PCGF3: variants seen among roughly 807,000 people sequenced by gnomAD.
PCGF3 encodes polycomb group ring finger 3.
Under a neutral mutation model 33.1 loss-of-function variants are expected in PCGF3, and 7 were observed. The observed-to-expected ratio is 0.21, with a 90% CI of 0.12 to 0.40. PCGF3 has a LOEUF of 0.40. PCGF3 is among the 10% of genes least tolerant of loss of function. The pLI is 1.00. For synonymous variants in PCGF3, 153 were observed against 121.3 expected, an observed-to-expected ratio of 1.26 and a Z score of -1.72; for missense variants, 211 against 313.3, an observed-to-expected ratio of 0.67 and a Z score of 2.46.
chr4:733,111 C>A (rs1055413309), intron 3 of PCGF3, among the ~76,000 whole-genome samples: 5 of 151,454 alleles, frequency 3.3e-5, no homozygotes, highest in African/African-American at 1.2e-4. Context: ...CCCCGTGCTG[C>A]CTCAGGCTCT....
chr4:731,007 G>A, exon 3 of PCGF3: 1 of 398,620 alleles, frequency 2.5e-6, no homozygotes, highest in Non-Finnish European at 4.4e-6. Flanking sequence ...GGAGGGTGCA[G>A]AAGCGAGTCC....
chr4:717,026 G>GCAGACAC (rs1227663261), intron 1 of PCGF3, among the ~76,000 whole-genome samples: 15 of 145,612 alleles, frequency 1.0e-4, no homozygotes, highest in Non-Finnish European at 1.5e-4. Context: ...CTGGGACCCT[G>GCAGACAC]TAGACACTGA....
chr4:765,211 A>G (rs2152628552), intron 10 of PCGF3, 147 bp downstream of exon 10: 1 of 593,450 alleles, frequency 1.7e-6, no homozygotes. Context: ...AGGCGGGCGG[A>G]TCACGAGGTC....
At chr4:765,482 C>G (rs1025908335) in intron 10 of PCGF3, among the ~76,000 whole-genome samples, 1 of 151,678 alleles carries the variant, frequency 6.6e-6, no homozygotes, top group Non-Finnish European at 1.5e-5. Flanking sequence ...TTGTGAAACA[C>G]AGTTCTGGTC....
intron 6 of PCGF3, among the ~76,000 whole-genome samples, chr4:738,747 T>C (rs2152581803): frequency 6.6e-6 from 1 of 151,318 alleles, no homozygotes; most frequent in East Asian, 1.9e-4. Context: ...TAATCCCAGC[T>C]ACTCAGCAGG....
intron 8 of PCGF3, among the ~76,000 whole-genome samples, chr4:752,361 C>T (rs900572234): frequency 5.3e-5 from 8 of 152,204 alleles, no homozygotes; most frequent in South Asian, 4.1e-4. Flanking sequence ...CTGTTTTTTG[C>T]TCTCATCTTT....
At chr4:733,575 C>A in intron 3 of PCGF3, 97 bp from the exon 4 acceptor site, 1 of 1,300,038 alleles carries the variant, frequency 7.7e-7, no homozygotes, top group Non-Finnish European at 1.1e-6. Flanking sequence ...GCCTCAGGGC[C>A]TGCACTGTCC....
At chr4:765,004 G>A in exon 10 of PCGF3, 1 of 1,613,978 alleles carries the variant, frequency 6.2e-7, no homozygotes. Context: ...TATGCAACGA[G>A]GAGATCCTGG....
intron 1 of PCGF3, among the ~76,000 whole-genome samples, chr4:730,357 G>A (rs1414277084): frequency 6.6e-6 from 1 of 152,106 alleles, no homozygotes; most frequent in African/African-American, 2.4e-5. Context: ...ACAGCATGAT[G>A]GGGCCCCCAG....
intron 1 of PCGF3, among the ~76,000 whole-genome samples, chr4:729,077 G>A (rs1743442952): frequency 7.1e-6 from 1 of 140,280 alleles, no homozygotes; most frequent in Middle Eastern, 3.7e-3. Context: ...TCCGGCCTGG[G>A]TGACAGAGCG....
chr4:733,530 G>T, intron 3 of PCGF3, 142 bp from the exon 4 acceptor site: 1 of 750,444 alleles, frequency 1.3e-6, no homozygotes, highest in Non-Finnish European at 2.1e-6. Context: ...TGGGAGCCTG[G>T]GACCCCGTGA....
intron 6 of PCGF3, among the ~76,000 whole-genome samples, chr4:738,783 C>T (rs936735678): frequency 6.6e-6 from 1 of 152,080 alleles, no homozygotes; most frequent in Non-Finnish European, 1.5e-5. Flanking sequence ...CGCTTGAACC[C>T]GGGAGGCAGA....
chr4:715,604 T>C (rs373811428), intron 1 of PCGF3, among the ~76,000 whole-genome samples: 5,651 of 50,890 alleles, frequency 0.11, 15 homozygotes, highest in South Asian at 0.17. Context: ...GAGAACTGGG[T>C]GTCGGTGCTG....
intron 1 of PCGF3, chr4:722,221 C>T (rs1161849901): frequency 6.4e-6 from 1 of 156,776 alleles, no homozygotes; most frequent in Non-Finnish European, 1.4e-5. Flanking sequence ...TAATATCATC[C>T]TTCGCTTTGC....
At chr4:762,017 G>T in intron 9 of PCGF3, 1 of 985,314 alleles carries the variant, frequency 1.0e-6, no homozygotes, top group Non-Finnish European at 1.2e-6. Context: ...AGAGGCCAGC[G>T]CCAGGAGTTG....
At chr4:751,329 C>T (rs964172309) in intron 8 of PCGF3, among the ~76,000 whole-genome samples, 1 of 152,188 alleles carries the variant, frequency 6.6e-6, no homozygotes, top group East Asian at 1.9e-4. Context: ...GGAATCGCTT[C>T]TTCATCTTAC....
At chr4:735,802 G>A (rs1046143631) in intron 5 of PCGF3, among the ~76,000 whole-genome samples, 3 of 152,124 alleles carry the variant, frequency 2.0e-5, no homozygotes, top group African/African-American at 4.8e-5. Context: ...ACTCACCCCT[G>A]GGCCAGCCAC....
At chr4:739,722 C>T (rs777297017) in intron 6 of PCGF3, among the ~76,000 whole-genome samples, 10 of 152,236 alleles carry the variant, frequency 6.6e-5, no homozygotes, top group Non-Finnish European at 1.3e-4. Context: ...TTCCATCGCT[C>T]GTCTCCACGT....
chr4:752,770 G>A (rs1035062647), intron 8 of PCGF3, among the ~76,000 whole-genome samples: 1 of 152,234 alleles, frequency 6.6e-6, no homozygotes, highest in Non-Finnish European at 1.5e-5. Context: ...AGACGGGAGG[G>A]GCCTGCGCGT....
Sources: allele counts gnomAD v4.1 joint callset (sites outside exome capture counted in the v4.1 genomes callset), GRCh38; gene constraint gnomAD v4.1.1; transcripts MANE v1.5; gene names NCBI Gene and HGNC (gene_info 2026-07-23, HGNC 2026-07-21).